The following PTPRD variants were observed in gnomAD, a reference collection of about 807,000 sequenced individuals.
The protein encoded by PTPRD is protein tyrosine phosphatase receptor type D.
In PTPRD, 34 loss-of-function variants were observed where a neutral mutation model predicts 214.5. The observed-to-expected ratio is 0.16, with a 90% CI of 0.12 to 0.21. The LOEUF (loss-of-function observed/expected upper bound fraction) is 0.21, where lower values mean the gene tolerates loss of function less well. Among genes scored for constraint, PTPRD ranks in the 10% least tolerant of loss-of-function variants. PTPRD has a pLI of 1.00. For synonymous variants in PTPRD, 1,128 were observed against 845.7 expected (o/e 1.33, Z -5.79); for missense variants, 2,545 against 2,398.7 (o/e 1.06, Z -1.27).
In PTPRD at chr9:10,362,194, G is replaced by A. The variant is rs551278230; in HGVS notation, c.-599-21177C>T. 3.9e-3 allele frequency among the ~76,000 whole-genome samples: 590 copies of A among 152,174 alleles called. 5 individuals carry two copies. Among genetic ancestry groups the A allele is most frequent in the South Asian group, 0.012 (56 of 4,828 alleles). On this transcript the variant is annotated intron_variant, in intron 2 of 45. Transcript: ENST00000381196. ...ACAATCATACTCAGAAAAGAGAAAC[G>A]TACTAGTGAAATGTTTATTTCACTA...
At chr9:8,741,529 C>G (rs1211856785) in intron 11 of PTPRD, among the ~76,000 whole-genome samples, 1 of 145,208 alleles carries the variant, frequency 6.9e-6, no homozygotes, top group Non-Finnish European at 1.5e-5. Context: ...TCCACTCAAA[C>G]AGAACATGGA....
chr9:9,053,863 G>A (rs2099691283), intron 10 of PTPRD, among the ~76,000 whole-genome samples: 1 of 151,898 alleles, frequency 6.6e-6, no homozygotes, highest in African/African-American at 2.4e-5. Flanking sequence ...CTTTTGTTAT[G>A]GATTGAAGCC....
intron 40 of PTPRD, 118 bp downstream of exon 40, chr9:8,341,575 G>A: frequency 8.4e-7 from 1 of 1,191,676 alleles, no homozygotes; most frequent in Non-Finnish European, 1.2e-6. Context: ...TACACCTGAG[G>A]GAAAGGTCAA....
chr9:10,164,706 T>C (rs2099148599), intron 3 of PTPRD, among the ~76,000 whole-genome samples: 1 of 151,594 alleles, frequency 6.6e-6, no homozygotes, highest in Non-Finnish European at 1.5e-5. Context: ...CAAATAGAAG[T>C]ACACAAAAGA....
At chr9:8,656,272 C>A (rs1262225120) in intron 12 of PTPRD, among the ~76,000 whole-genome samples, 1 of 152,114 alleles carries the variant, frequency 6.6e-6, no homozygotes, top group African/African-American at 2.4e-5. Flanking sequence ...AATTTTACAA[C>A]CTTTTTGTGT....
intron 3 of PTPRD, among the ~76,000 whole-genome samples, chr9:10,236,927 T>TG (rs1020154104): frequency 1.2e-4 from 18 of 151,694 alleles, no homozygotes; most frequent in Non-Finnish European, 2.2e-4. Context: ...TATTCTTTGG[T>TG]GGGGGGGCTG....
intron 7 of PTPRD, among the ~76,000 whole-genome samples, chr9:9,726,603 C>T (rs2098096771): frequency 6.6e-6 from 1 of 152,128 alleles, no homozygotes; most frequent in Non-Finnish European, 1.5e-5. Flanking sequence ...GAATCTCAAT[C>T]ATCTTCCACT....
At chr9:9,280,250 T>G (rs2133502351) in intron 9 of PTPRD, among the ~76,000 whole-genome samples, 1 of 151,410 alleles carries the variant, frequency 6.6e-6, no homozygotes, top group South Asian at 2.1e-4. Flanking sequence ...ACGGAGTGAC[T>G]TGTAGAGTAT....
chr9:9,698,421 C>G (rs2097424038), intron 7 of PTPRD, among the ~76,000 whole-genome samples: 1 of 152,128 alleles, frequency 6.6e-6, no homozygotes, highest in Admixed American at 6.6e-5. Flanking sequence ...TGTTGCCTGT[C>G]CCAGATAGGG....
At chr9:8,866,506 A>G (rs956320994) in intron 11 of PTPRD, among the ~76,000 whole-genome samples, 56 of 152,116 alleles carry the variant, frequency 3.7e-4, no homozygotes, top group African/African-American at 1.3e-3. Flanking sequence ...TTGATTATGT[A>G]ACTCCCATGC....
At chr9:9,692,438 G>A (rs1364437413) in intron 7 of PTPRD, among the ~76,000 whole-genome samples, 3 of 151,920 alleles carry the variant, frequency 2.0e-5, no homozygotes, top group African/African-American at 7.3e-5. Flanking sequence ...GCCCACTGTA[G>A]GTGTGTGGAT....
At chr9:9,428,123 G>C (rs750675942) in intron 8 of PTPRD, among the ~76,000 whole-genome samples, 6 of 152,114 alleles carry the variant, frequency 3.9e-5, no homozygotes, top group Non-Finnish European at 7.3e-5. Context: ...CTGGCAAATT[G>C]GATAAAGAGT....
chr9:9,109,360 T>C (rs552305563), intron 10 of PTPRD, among the ~76,000 whole-genome samples: 10 of 152,242 alleles, frequency 6.6e-5, no homozygotes, highest in Admixed American at 3.3e-4. Flanking sequence ...AGAGAGGCTA[T>C]GGTGTCAGTA....
In PTPRD at chr9:9,845,299, G is replaced by A. The variant is rs139169691; in HGVS notation, c.-367-78448C>T. Among the ~76,000 whole-genome samples, 4 of 145,102 alleles carry A rather than the reference G, an allele frequency of 2.8e-5. No homozygotes were observed. In the East Asian group the frequency reaches 5.9e-4, roughly 22 times the overall value. On this transcript the variant is annotated intron_variant, in intron 5 of 45. Transcript: ENST00000381196. ...ATTTTCAAAGAGAAAAGAGAGAAAG[G>A]GATATATTACAAAGTCAAAAATGCT...
At chr9:10,464,827 A>T (rs1588774586) in intron 2 of PTPRD, among the ~76,000 whole-genome samples, 2 of 152,300 alleles carry the variant, frequency 1.3e-5, no homozygotes, top group South Asian at 2.1e-4. Flanking sequence ...TCATTAAAAA[A>T]TTCCAGGTGA....
At chr9:8,690,924 T>C (rs10119900) in intron 12 of PTPRD, among the ~76,000 whole-genome samples, 2 of 152,224 alleles carry the variant, frequency 1.3e-5, no homozygotes, top group African/African-American at 4.8e-5. Flanking sequence ...AATAATTAAG[T>C]GGAAAAATGG....
chr9:10,596,200 A>C (rs1420298173), intron 2 of PTPRD, among the ~76,000 whole-genome samples: 8 of 151,802 alleles, frequency 5.3e-5, no homozygotes, highest in Non-Finnish European at 1.2e-4. Context: ...TCCAGTAAGC[A>C]CTGAAGCTGG....
chr9:10,612,221 A>AAAG (rs770177931), intron 2 of PTPRD, among the ~76,000 whole-genome samples, 177 bp downstream of exon 2: 36 of 151,874 alleles, frequency 2.4e-4, no homozygotes, highest in East Asian at 1.2e-3. Flanking sequence ...AAAAAAAAAA[A>AAAG]AAAGAAAAAA....
chr9:8,829,111 T>C (rs1156824268), intron 11 of PTPRD, among the ~76,000 whole-genome samples: 3 of 152,212 alleles, frequency 2.0e-5, no homozygotes, highest in Non-Finnish European at 2.9e-5. Context: ...TTATTTTATT[T>C]TTATAATTGA....
Sources: allele counts gnomAD v4.1 joint callset (sites outside exome capture counted in the v4.1 genomes callset), GRCh38; gene constraint gnomAD v4.1.1; transcripts MANE v1.5; gene names NCBI Gene and HGNC (gene_info 2026-07-23, HGNC 2026-07-21).